ZNF451: variants seen among roughly 807,000 people sequenced by gnomAD.
ZNF451 encodes E3 SUMO-protein ligase ZNF451.
A neutral mutation model predicts 107.1 loss-of-function variants in ZNF451; 80 were observed. The observed-to-expected ratio is 0.75, with a 90% CI of 0.62 to 0.90. ZNF451 has a LOEUF of 0.90. Ranked by LOEUF, ZNF451 falls within the 40% of genes least tolerant of loss-of-function variation. ZNF451 has a pLI of 0.00. For missense variants in ZNF451, 1,107 were observed against 1,236.2 expected, an observed-to-expected ratio of 0.90 and a Z score of 1.57; for synonymous variants, 362 against 406.5, an observed-to-expected ratio of 0.89 and a Z score of 1.32.
chr6:57,121,206 T>C (rs1830622101), intron 3 of ZNF451, among the ~76,000 whole-genome samples: 1 of 152,162 alleles, frequency 6.6e-6, no homozygotes, highest in Non-Finnish European at 1.5e-5. Flanking sequence ...TTTATGTGGG[T>C]CTATTTCTGG....
At chr6:57,153,111 G>A (rs1474025630) in intron 12 of ZNF451, among the ~76,000 whole-genome samples, 1 of 152,008 alleles carries the variant, frequency 6.6e-6, no homozygotes, top group African/African-American at 2.4e-5. Flanking sequence ...CTGCAAACTT[G>A]TTGACTGCAG....
In ZNF451 at chr6:57,104,148, AG is replaced by A. The variant is rs1025827724; in HGVS notation, c.186+5008del. 89 of 985,148 alleles carry A rather than the reference AG, an allele frequency of 9.0e-5. No individual in the cohort carries two copies. In the African/African-American group the frequency reaches 1.5e-3, roughly 16 times the overall value. The allele number at this position is 985,148 out of a possible 1,614,324, so 61.0% of individuals were successfully genotyped here. A position where few individuals can be genotyped will look rare whatever the true frequency, so the allele number is the denominator to read the frequency against. On this transcript the variant is annotated intron_variant, in intron 3 of 14. Coordinates refer to ENST00000370706, the MANE Select transcript of ZNF451 (RefSeq NM_001031623.3). ...ACTTCTGTAGAAATAGGTCCATGCC[AG>A]TGTTCTCTACAAAGTGTCTTTCAAA...
rs1828998475 is a variant in ZNF451, at chr6:57,090,279, G to A, written c.21+5G>A. On this transcript the variant is annotated splice_donor_5th_base_variant and intron_variant, in intron 1 of 14. Coordinates refer to ENST00000370706, the MANE Select transcript of ZNF451 (RefSeq NM_001031623.3). ...ATGGGAGACCCGGGGTCGGAGGTGA[G>A]TAGTCGAGTGAGGGTCCTGGCGTTC... 1.2e-6 allele frequency: 2 copies of A among 1,611,036 alleles called. No individual in the cohort carries two copies. The highest frequency in any genetic ancestry group is 2.2e-4 in the Middle Eastern group (1 of 4,642).
chr6:57,113,806 A>G (rs575103047), intron 3 of ZNF451, among the ~76,000 whole-genome samples: 2 of 152,110 alleles, frequency 1.3e-5, no homozygotes, highest in South Asian at 4.2e-4. Flanking sequence ...TATTTTTAGT[A>G]GAGATGGGGT....
intron 13 of ZNF451, among the ~76,000 whole-genome samples, chr6:57,154,720 T>C (rs575747638): frequency 5.9e-4 from 90 of 152,334 alleles, no homozygotes; most frequent in African/African-American, 2.1e-3. Context: ...CCCTTTTTCA[T>C]AATCTCTGAA....
chr6:57,106,735 G>T, intron 3 of ZNF451: 1 of 982,752 alleles, frequency 1.0e-6, no homozygotes, highest in Non-Finnish European at 1.2e-6. Flanking sequence ...ATAATTGATT[G>T]TCTCATCTGT....
chr6:57,092,076 GT>G (rs1829075956), intron 2 of ZNF451, among the ~76,000 whole-genome samples: 1 of 152,094 alleles, frequency 6.6e-6, no homozygotes, highest in Admixed American at 6.5e-5. Context: ...TTAATAACAG[GT>G]TTCCATGGCT....
At position 57,102,910 on chromosome 6, in the gene ZNF451, A is replaced by G. The variant is rs1015619242; in HGVS notation, c.186+3769A>G. ...AGAATTGTTTGTTGTTATCAATCCT[A>G]ATAGTCTTTGACCTATCAAGCTCTC... On this transcript the variant is annotated intron_variant, in intron 3 of 14. Transcript: ENST00000370706. The G allele has an allele frequency of 6.1e-6, 6 of 985,322 alleles. No homozygotes were observed. The African/African-American group carries it at 1.0e-4, about 17-fold the overall frequency. The allele number at this position is 985,322 out of a possible 1,614,324, so 61.0% of individuals were successfully genotyped here. A position where few individuals can be genotyped will look rare whatever the true frequency, so the allele number is the denominator to read the frequency against.
chr6:57,149,400 G>A (rs1430362791), intron 10 of ZNF451, among the ~76,000 whole-genome samples: 2 of 152,036 alleles, frequency 1.3e-5, no homozygotes, highest in African/African-American at 4.8e-5. Context: ...AATTTTAAGT[G>A]TATCTTCTTT....
chr6:57,121,543 A>T (rs1830639050), intron 3 of ZNF451, among the ~76,000 whole-genome samples: 2 of 152,168 alleles, frequency 1.3e-5, no homozygotes, highest in South Asian at 4.1e-4. Flanking sequence ...GTTCTTTGAT[A>T]CAAAATTAAC....
At chr6:57,153,249 A>G (rs1832430803) in intron 12 of ZNF451, among the ~76,000 whole-genome samples, 1 of 152,286 alleles carries the variant, frequency 6.6e-6, no homozygotes, top group Non-Finnish European at 1.5e-5. Flanking sequence ...TATTGAGCGT[A>G]TAGCCCTTTG....
At chr6:57,116,085 G>A (rs1324796997) in intron 3 of ZNF451, 1 of 152,114 alleles carries the variant, frequency 6.6e-6, no homozygotes, top group East Asian at 1.9e-4. Context: ...TTCAAGTTAT[G>A]GGCTTTGTGG....
intron 7 of ZNF451, among the ~76,000 whole-genome samples, chr6:57,138,040 T>C (rs193174922): frequency 2.6e-5 from 4 of 152,352 alleles, no homozygotes; most frequent in Admixed American, 2.6e-4. Flanking sequence ...TTTTTGGCTG[T>C]TACGAACAAT....
Position 57,133,147 on chromosome 6 carries a change from A to G in ZNF451, c.530A>G (p.Asn177Ser). Reference sequence around the variant, plus strand: ...ATTTTATGTCCTATAATGCACTGTAACAAGGAGTTTGACAATGGGCACCTT... The same window carrying G: ...ATTTTATGTCCTATAATGCACTGTAGCAAGGAGTTTGACAATGGGCACCTT... The part of the protein sequence containing the change: ...KPILCPIMHC[N>S]KEFDNGHLLL... The change falls in exon 6 of 15, where the codon AAC (asparagine) becomes AGC (serine). Residue 177 changes from asparagine (N) to serine (S), a missense_variant. Physicochemically the swap from Asn to Ser is conservative, Grantham distance 46. This residue lies in a region of ZNF451 where 339 missense variants were observed against 372.8 expected (regional missense o/e 0.91). Transcript: ENST00000370706. The G allele has an allele frequency of 6.2e-7, 1 of 1,614,162 alleles. No homozygotes were observed. Among genetic ancestry groups the G allele is most frequent in the Non-Finnish European group, 8.5e-7 (1 of 1,179,988 alleles).
chr6:57,135,067 G>A (rs959179233), intron 7 of ZNF451, among the ~76,000 whole-genome samples, 197 bp downstream of exon 7: 1 of 152,084 alleles, frequency 6.6e-6, no homozygotes, highest in Admixed American at 6.5e-5. Context: ...CTTACAGTCA[G>A]CAGTCCTAGA....
rs1171472183 is a variant in ZNF451 at position 57,169,310 on chromosome 6, CTTTA to C, written c.*842_*845del. 1 of 152,054 alleles carries C rather than the reference CTTTA, an allele frequency of 6.6e-6. No homozygotes were observed. The highest frequency in any genetic ancestry group is 1.5e-5 in the Non-Finnish European group (1 of 67,976). 9.4% of individuals were successfully genotyped at this position (152,054 alleles called of 1,614,324 possible). On this transcript the variant is annotated 3_prime_UTR_variant, in exon 15 of 15. Transcript: ENST00000370706. The stretch of plus-strand genomic sequence containing the variant: ...TACTCAGGAATAATCTTCCTTAACT[CTTTA>C]AATTTTTATTTCATGTGAAGTGTTT...
intron 5 of ZNF451, among the ~76,000 whole-genome samples, chr6:57,129,283 A>G (rs1001940751): frequency 2.6e-5 from 4 of 152,158 alleles, no homozygotes; most frequent in Non-Finnish European, 5.9e-5. Flanking sequence ...ATCCTCATAG[A>G]CTTGTCAAAA....
In ZNF451 at chr6:57,099,084, T is replaced by C; in HGVS notation, c.129T>C (p.Leu43=). The change falls in exon 3 of 15, where the codon CTT becomes CTC. Residue 43 remains leucine, a synonymous_variant. Transcript: ENST00000370706. The part of the protein sequence containing the change: ...FVSEGPLRPV[L]EYIDLVSSDD... ...AGGAAGGACCATTACGACCTGTTCT[T>C]GAATACATTGATCTGGTCAGCAGTG... The C allele has an allele frequency of 1.9e-6, 3 of 1,613,786 alleles. No individual in the cohort carries two copies. The highest frequency in any genetic ancestry group is 2.5e-6 in the Non-Finnish European group (3 of 1,179,734).
chr6:57,101,923 G>T, intron 3 of ZNF451: 4 of 1,550,426 alleles, frequency 2.6e-6, no homozygotes, highest in South Asian at 1.2e-5. Context: ...AAAAGAAAAT[G>T]ACTATAAAGA....
Sources: gnomAD v4.1 joint callset for allele counts (sites outside exome capture counted in the v4.1 genomes callset) on GRCh38, gnomAD v4.1.1 for gene constraint, gnomAD v4.1.1 regional missense constraint, MANE v1.5 for transcripts, NCBI Gene and HGNC (gene_info 2026-07-23, HGNC 2026-07-21) for gene names.